TERT: variants seen among roughly 807,000 people sequenced by gnomAD.
TERT encodes telomerase reverse transcriptase.
Under a neutral mutation model 104.0 loss-of-function variants are expected in TERT, and 42 were observed. That is an observed-to-expected ratio of 0.40 (90% CI 0.32 to 0.52). The LOEUF (loss-of-function observed/expected upper bound fraction) is 0.52, where lower values mean the gene tolerates loss of function less well. TERT is among the 20% of genes least tolerant of loss of function. TERT has a pLI of 0.43. For missense variants in TERT, 1,101 were observed against 1,610.3 expected (o/e 0.68, Z 5.41); for synonymous variants, 781 against 725.6 (o/e 1.08, Z -1.23).
At chr5:1,282,082 C>T (rs1256612872) in intron 3 of TERT, among the ~76,000 whole-genome samples, 2 of 149,946 alleles carry the variant, frequency 1.3e-5, no homozygotes, top group East Asian at 3.9e-4. Flanking sequence ...AGTGAGACTC[C>T]ATCTCAAAAA....
chr5:1,271,598 A>C (rs1042498374), intron 7 of TERT, among the ~76,000 whole-genome samples: 3 of 149,490 alleles, frequency 2.0e-5, no homozygotes, highest in African/African-American at 7.4e-5. Flanking sequence ...TCTGAGCCTC[A>C]TGCGGTGGAC....
rs1428080936 is a variant in TERT at position 1,260,608 on chromosome 5, A to G, written c.2844-8T>C. ...ATGGAGGTCCGGGCATAGCTGAGACACAGGGGGGAATGTCAGACACAGGTG... is the reference window on the plus strand; with the variant it reads ...ATGGAGGTCCGGGCATAGCTGAGACGCAGGGGGGAATGTCAGACACAGGTG... On this transcript the variant is annotated splice_polypyrimidine_tract_variant and splice_region_variant and intron_variant, in intron 11 of 15. Transcript: ENST00000310581. 12 of 1,613,680 alleles carry G rather than the reference A, an allele frequency of 7.4e-6. No individual in the cohort carries two copies. In the South Asian group the frequency reaches 9.9e-5, roughly 13 times the overall value.
chr5:1,266,022 G>A (rs1283396522), intron 10 of TERT, among the ~76,000 whole-genome samples: 2 of 152,202 alleles, frequency 1.3e-5, no homozygotes, highest in Non-Finnish European at 2.9e-5. Context: ...GAACGTGACC[G>A]CAGCGAACGC....
chr5:1,256,469 C>T lies in TERT; in HGVS notation c.3033-1058G>A, dbSNP rs1275069871. ...GGTCTGACCCTCTGCCTGAGCCCCC[C>T]GTGTACCTCATCTCACCCAGTGCCT... On this transcript the variant is annotated intron_variant, in intron 13 of 15. Transcript: ENST00000310581. The surrounding 1 kb of genome is among the most constrained non-coding windows in gnomAD (Gnocchi z 7.0). Among the ~76,000 whole-genome samples the T allele has an allele frequency of 6.9e-6, 1 of 145,640 alleles. No individual in the cohort carries two copies. The highest frequency in any genetic ancestry group is 1.5e-5 in the Non-Finnish European group (1 of 67,102).
Position 1,287,710 on chromosome 5 carries a change from T to A in TERT, c.1574-5086A>T, listed in dbSNP as rs1216542892. On this transcript the variant is annotated intron_variant, in intron 2 of 15. Transcript: ENST00000310581. The surrounding 1 kb of genome is among the most constrained non-coding windows in gnomAD (Gnocchi z 4.3). ...TGCATGCACCTAACAATGCCTCACA[T>A]AAATGCTACCAAACGAGAAGAAATG... Among the ~76,000 whole-genome samples the A allele has an allele frequency of 6.6e-6, 1 of 151,954 alleles. No individual in the cohort carries two copies. Among genetic ancestry groups the A allele is most frequent in the African/African-American group, 2.4e-5 (1 of 41,354 alleles).
At chr5:1,266,596 A>C (rs955079640) in intron 9 of TERT, 61 bp from the exon 10 acceptor site, 1 of 1,334,690 alleles carries the variant, frequency 7.5e-7, no homozygotes, top group Admixed American at 1.9e-5. Flanking sequence ...GTATCTGTCT[A>C]CGAGGGACTG....
intron 15 of TERT, 131 bp downstream of exon 15, chr5:1,254,237 C>A: frequency 7.8e-7 from 1 of 1,277,308 alleles, no homozygotes; most frequent in Non-Finnish European, 1.1e-6. Flanking sequence ...GCCAGCGTGG[C>A]TCCAGGCCCC....
rs1350308580 is a variant in TERT, at chr5:1,262,074, G to A, written c.2844-1474C>T. Among the ~76,000 whole-genome samples the A allele has an allele frequency of 6.6e-6, 1 of 152,074 alleles. No individual in the cohort carries two copies. Among genetic ancestry groups the A allele is most frequent in the Non-Finnish European group, 1.5e-5 (1 of 68,014 alleles). ...GCCCGTTGCCTCACTGGTTTCATCC[G>A]CCTCCCTGTGTGTCCTTCCCCAACA... On this transcript the variant is annotated intron_variant, in intron 11 of 15. Transcript: ENST00000310581. This position sits in a 1 kb window ranked among gnomAD's most constrained non-coding sequence, Gnocchi z 5.6.
rs530042564 is a variant in TERT, at chr5:1,291,623, C to T, written c.1573+1690G>A. ...GGGACAGTGCCTCACTCACCCTGCA[C>T]GGGACAGGGACACCCGGGGGCCACA... On this transcript the variant is annotated intron_variant, in intron 2 of 15. Transcript: ENST00000310581. Among the ~76,000 whole-genome samples the T allele has an allele frequency of 9.2e-4, 121 of 131,990 alleles. 19 individuals carry two copies. The highest frequency in any genetic ancestry group is 4.3e-3 in the Middle Eastern group (1 of 230). The allele number at this position is 131,990 out of a possible 152,430, so 86.6% of individuals were successfully genotyped here.
At chr5:1,271,790 C>T (rs1223901338) in intron 7 of TERT, among the ~76,000 whole-genome samples, 1 of 152,112 alleles carries the variant, frequency 6.6e-6, no homozygotes, top group Non-Finnish European at 1.5e-5. Context: ...GGACACGTTT[C>T]CTTTGGCCTC....
chr5:1,263,098 T>C lies in TERT; in HGVS notation c.2843+1306A>G, dbSNP rs1354467192. On this transcript the variant is annotated intron_variant, in intron 11 of 15. Coordinates refer to ENST00000310581, the MANE Select transcript of TERT (RefSeq NM_198253.3). The surrounding 1 kb of genome is among the most constrained non-coding windows in gnomAD (Gnocchi z 5.3). ...GTCTGCACCTGCCACTCCCCCATCA[T>C]GAGGGCGTCTGCACCTGCTGCTCCC... Among the ~76,000 whole-genome samples, 3 of 152,086 alleles carry C rather than the reference T, an allele frequency of 2.0e-5. No individual in the cohort carries two copies. Among genetic ancestry groups the C allele is most frequent in the Non-Finnish European group, 2.9e-5 (2 of 67,992 alleles).
At position 1,294,782 on chromosome 5, in the gene TERT, AGGGGGCGGCG is replaced by A. The variant is rs1381837667; in HGVS notation, c.198_207del (p.Ala67ProfsTer8). ...CCGGGGAGGCCCACCTGGCGGAAGG[AGGGGGCGGCG>A]GGGGGCGGCCGTGCGTCCCAGGGCA... On this transcript the variant is annotated frameshift_variant, in exon 1 of 16. Coordinates refer to ENST00000310581, the MANE Select transcript of TERT (RefSeq NM_198253.3). LOFTEE classifies it high-confidence loss of function. 1.3e-6 allele frequency: 2 copies of A among 1,533,438 alleles called. No homozygotes were observed. 95.0% of individuals were successfully genotyped at this position (1,533,438 alleles called of 1,614,324 possible).
At chr5:1,264,279 T>C in intron 11 of TERT, 125 bp downstream of exon 11, 1 of 1,013,160 alleles carries the variant, frequency 9.9e-7, no homozygotes, top group Non-Finnish European at 1.5e-6. Flanking sequence ...GGGCACCCTG[T>C]GGCCTCTGAC....
rs1748154333 is a variant in TERT, at chr5:1,260,539, T to G, written c.2905A>C (p.Asn969His). The G allele has an allele frequency of 1.2e-6, 2 of 1,614,076 alleles. No individual in the cohort carries two copies. Among genetic ancestry groups the G allele is most frequent in the Non-Finnish European group, 1.7e-6 (2 of 1,180,036 alleles). Residue 969 changes from asparagine to histidine, a missense_variant, in exon 12 of 16, where the codon AAC (asparagine) becomes CAC (histidine). By Grantham distance (68) the Asn-to-His change is moderately conservative. This residue lies in a region of TERT where 463 missense variants were observed against 797.5 expected (regional missense o/e 0.58). Transcript: ENST00000310581. The stretch of plus-strand genomic sequence containing the variant: ...ACCCCAAAGAGTTTGCGACGCATGT[T>G]CCTCCCAGCCTTGAAGCCGCGGTTG... ...TFNRGFKAGRNMRRKLFGVLR... is the reference protein window; with the variant it reads ...TFNRGFKAGRHMRRKLFGVLR...
intron 2 of TERT, among the ~76,000 whole-genome samples, chr5:1,285,565 A>ATTTTT (rs1170336173): frequency 0.018 from 1,485 of 82,110 alleles, 128 homozygotes; most frequent in African/African-American, 0.059. Flanking sequence ...GGCTACTAGA[A>ATTTTT]TTTTTTTTTT....
intron 13 of TERT, among the ~76,000 whole-genome samples, chr5:1,258,285 TC>T (rs1375884567): frequency 2.0e-5 from 3 of 152,202 alleles, no homozygotes; most frequent in Non-Finnish European, 4.4e-5. Flanking sequence ...CTGCTAAGAC[TC>T]CCCATAAACA....
Position 1,261,203 on chromosome 5 carries a change from G to T in TERT, c.2844-603C>A, listed in dbSNP as rs369295342. Among the ~76,000 whole-genome samples, 1 of 152,174 alleles carries T rather than the reference G, an allele frequency of 6.6e-6. No homozygotes were observed. Among genetic ancestry groups the T allele is most frequent in the African/African-American group, 2.4e-5 (1 of 41,430 alleles). On this transcript the variant is annotated intron_variant, in intron 11 of 15. Coordinates refer to ENST00000310581, the MANE Select transcript of TERT (RefSeq NM_198253.3). This position sits in a 1 kb window ranked among gnomAD's most constrained non-coding sequence, Gnocchi z 7.4. ...AAAGATGAACACACATGACATCCAC[G>T]GCAGGCTCCTGGGGTGTGTTCTTTT...
chr5:1,270,028 A>G lies in TERT; in HGVS notation c.2468+1091T>C, dbSNP rs1337666781. Among the ~76,000 whole-genome samples the G allele has an allele frequency of 1.3e-5, 2 of 152,078 alleles. No homozygotes were observed. Among genetic ancestry groups the G allele is most frequent in the African/African-American group, 4.8e-5 (2 of 41,410 alleles). On this transcript the variant is annotated intron_variant, in intron 8 of 15. Transcript: ENST00000310581. This position sits in a 1 kb window ranked among gnomAD's most constrained non-coding sequence, Gnocchi z 8.3. Reference sequence around the variant, plus strand: ...CATCTTAATAAAATTCACGACCACGAAGGAGGCCCGTGGTGGCTTCTCTGG... The same window carrying G: ...CATCTTAATAAAATTCACGACCACGGAGGAGGCCCGTGGTGGCTTCTCTGG...
In TERT at chr5:1,285,206, T is replaced by C. The variant is rs564552236; in HGVS notation, c.1574-2582A>G. ...GAGACCTCACCCCTGACCTGCACCA[T>C]CCAGACACCACACATCCAGCTCACA... On this transcript the variant is annotated intron_variant, in intron 2 of 15. Coordinates refer to ENST00000310581, the MANE Select transcript of TERT (RefSeq NM_198253.3). 1.4e-4 allele frequency among the ~76,000 whole-genome samples: 21 copies of C among 145,638 alleles called. 1 individual carries two copies. In the South Asian group the frequency reaches 4.8e-3, roughly 34 times the overall value.
Sources: gnomAD v4.1 joint callset for allele counts (sites outside exome capture counted in the v4.1 genomes callset) on GRCh38, gnomAD v4.1.1 for gene constraint, gnomAD v4.1.1 regional missense constraint, Gnocchi (gnomAD v3.1) non-coding constraint, MANE v1.5 for transcripts, NCBI Gene and HGNC (gene_info 2026-07-23, HGNC 2026-07-21) for gene names.